The following MEGF10 variants were observed in gnomAD, a reference collection of about 807,000 sequenced individuals.
MEGF10 encodes the protein multiple epidermal growth factor-like domains protein 10.
MEGF10 carries 86 observed loss-of-function variants against 147.5 expected under a neutral mutation model. The observed-to-expected ratio is 0.58, with a 90% CI of 0.49 to 0.70. The LOEUF (loss-of-function observed/expected upper bound fraction) is 0.70. Ranked by LOEUF, MEGF10 falls within the 30% of genes least tolerant of loss-of-function variation. The pLI is 0.00. For synonymous variants in MEGF10, 478 were observed against 525.5 expected, an observed-to-expected ratio of 0.91 and a Z score of 1.24; for missense variants, 1,329 against 1,487.3, an observed-to-expected ratio of 0.89 and a Z score of 1.75.
At chr5:127,248,791 T>A in the MEGF10 span, among the ~76,000 whole-genome samples, 1 of 150,670 alleles carries the variant, frequency 6.6e-6, no homozygotes, top group Non-Finnish European at 1.5e-5. Context: ...TCAGAACTAT[T>A]CCAAGAAATA....
chr5:127,270,946 A>G, the MEGF10 span, among the ~76,000 whole-genome samples: 92 of 152,326 alleles, frequency 6.0e-4, no homozygotes, highest in African/African-American at 2.2e-3. Flanking sequence ...TATGTGTGCC[A>G]CATATTTTCT....
intron 1 of MEGF10, among the ~76,000 whole-genome samples, chr5:127,319,218 G>C (rs1760697010): frequency 6.6e-6 from 1 of 152,018 alleles, no homozygotes; most frequent in Non-Finnish European, 1.5e-5. Flanking sequence ...TGGGATTACA[G>C]GCATCTGCCA....
At chr5:127,304,433 CCATGAGCTGGGATGAAATAGCCAACT>C (rs1380013311) in intron 1 of MEGF10, among the ~76,000 whole-genome samples, 4 of 152,168 alleles carry the variant, frequency 2.6e-5, no homozygotes, top group Non-Finnish European at 5.9e-5. Context: ...GTGCCCCTTT[CCATGAGCTGGGATGAAATAGCCAACT>C]AGAACAACTA....
At chr5:127,388,386 C>T (rs1466648938) in intron 5 of MEGF10, among the ~76,000 whole-genome samples, 1 of 151,982 alleles carries the variant, frequency 6.6e-6, no homozygotes, top group East Asian at 1.9e-4. Flanking sequence ...TGAGCTCAAG[C>T]AATCCACCCA....
At chr5:127,378,728 C>T (rs1170451770) in intron 5 of MEGF10, among the ~76,000 whole-genome samples, 2 of 152,196 alleles carry the variant, frequency 1.3e-5, no homozygotes, top group Non-Finnish European at 2.9e-5. Context: ...TTGGGAATTA[C>T]AGGCATGGGC....
chr5:127,420,804 C>T lies in MEGF10; in HGVS notation c.1590+597C>T, dbSNP rs77198988. On this transcript the variant is annotated intron_variant, in intron 12 of 24. Coordinates refer to ENST00000503335, the MANE Select transcript of MEGF10 (RefSeq NM_001256545.2). ...ACCTCAAGCTGTCAGGGAGTGCAAA[C>T]GGGAAGTGCATTCTGGAGTAAGCTG... 3.4e-4 allele frequency among the ~76,000 whole-genome samples: 51 copies of T among 152,232 alleles called. 1 individual carries two copies. The East Asian group carries it at 8.1e-3, about 24-fold the overall frequency.
At chr5:127,357,529 A>T (rs1762320148) in intron 4 of MEGF10, among the ~76,000 whole-genome samples, 5 of 151,782 alleles carry the variant, frequency 3.3e-5, no homozygotes, top group Non-Finnish European at 7.4e-5. Context: ...TAGAGGTTAC[A>T]GTGAGCTGAG....
chr5:127,366,955 TG>T (rs909954453), intron 4 of MEGF10, among the ~76,000 whole-genome samples: 2 of 152,220 alleles, frequency 1.3e-5, no homozygotes, highest in Non-Finnish European at 2.9e-5. Flanking sequence ...CTTACTTCTC[TG>T]GAACATATGC....
intron 1 of MEGF10, among the ~76,000 whole-genome samples, chr5:127,326,383 A>G (rs1243567863): frequency 2.6e-5 from 4 of 152,224 alleles, no homozygotes; most frequent in African/African-American, 4.8e-5. Flanking sequence ...ACTGTTTGAA[A>G]TGAATAGTCA....
Position 127,420,224 on chromosome 5 carries a change from G to A in MEGF10, c.1590+17G>A, listed in dbSNP as rs780974795. 5.0e-6 allele frequency: 8 copies of A among 1,610,256 alleles called. No homozygotes were observed. The highest frequency in any genetic ancestry group is 1.7e-5 in the Admixed American group (1 of 59,524). On this transcript the variant is annotated intron_variant, in intron 12 of 24. Coordinates refer to ENST00000503335, the MANE Select transcript of MEGF10 (RefSeq NM_001256545.2). The stretch of plus-strand genomic sequence containing the variant: ...CCCTGCCAGGTATGCACAAATCAGC[G>A]CCCTGACGGAAAACGCCTATGAGGA...
At chr5:127,363,202 T>C (rs1762538550) in intron 4 of MEGF10, among the ~76,000 whole-genome samples, 1 of 152,222 alleles carries the variant, frequency 6.6e-6, no homozygotes, top group Non-Finnish European at 1.5e-5. Context: ...GATTTTTATT[T>C]AATTTAGTAA....
chr5:127,300,550 T>C (rs1361880302), intron 1 of MEGF10, among the ~76,000 whole-genome samples: 3 of 152,232 alleles, frequency 2.0e-5, no homozygotes. Flanking sequence ...GTTATGGGTA[T>C]GTTCAGTTTG....
intron 1 of MEGF10, among the ~76,000 whole-genome samples, chr5:127,326,683 T>C (rs559457219): frequency 1.3e-5 from 2 of 152,176 alleles, no homozygotes; most frequent in Non-Finnish European, 2.9e-5. Context: ...CCTTTATAGA[T>C]AACACGATGG....
intron 16 of MEGF10, 47 bp from the exon 17 acceptor site, chr5:127,438,392 T>C (rs753315149): frequency 6.2e-7 from 1 of 1,602,800 alleles, no homozygotes; most frequent in Non-Finnish European, 8.5e-7. Context: ...CCCTACTTAG[T>C]ATTGGCCTCA....
rs571660339 is a variant in MEGF10 at position 127,460,213 on chromosome 5, T to G, written c.*2895T>G. ...CAAACTATTATTCCTTCCTTAGAAG[T>G]TGATGTATCAGAAAATTTATAAGTT... On this transcript the variant is annotated 3_prime_UTR_variant, in exon 25 of 25. Coordinates refer to ENST00000503335, the MANE Select transcript of MEGF10 (RefSeq NM_001256545.2). 3 of 152,314 alleles carry G rather than the reference T, an allele frequency of 2.0e-5. No homozygotes were observed. In the East Asian group the frequency reaches 5.8e-4, roughly 29 times the overall value. 9.4% of individuals were successfully genotyped at this position (152,314 alleles called of 1,614,324 possible).
In MEGF10 at chr5:127,425,970, C is replaced by G. The variant is rs145304245; in HGVS notation, c.1693+3198C>G. Among the ~76,000 whole-genome samples, 372 of 152,298 alleles carry G rather than the reference C, an allele frequency of 2.4e-3. 2 individuals are homozygous for G. The highest frequency in any genetic ancestry group is 6.8e-3 in the Middle Eastern group (2 of 294). ...ATGAATAAATCAGTGAAATCTGACA[C>G]AGAAGCCAGGGCTCTTCCCCTGATC... On this transcript the variant is annotated intron_variant, in intron 13 of 24. Coordinates refer to ENST00000503335, the MANE Select transcript of MEGF10 (RefSeq NM_001256545.2).
rs752638811 is a variant in MEGF10 at position 127,457,161 on chromosome 5, G to T, written c.3266G>T (p.Ser1089Ile). 3 of 1,613,922 alleles carry T rather than the reference G, an allele frequency of 1.9e-6. No individual in the cohort carries two copies. The Admixed American group carries it at 5.0e-5, about 27-fold the overall frequency. ...PTVSVVQGVF[S>I]NNGRLSQDPY... ...GTGAGTGTTGTCCAAGGAGTATTCAGCAATAATGGGCGTCTCTCCCAGGAT... is the reference window on the plus strand; with the variant it reads ...GTGAGTGTTGTCCAAGGAGTATTCATCAATAATGGGCGTCTCTCCCAGGAT... The change falls in exon 25 of 25, where the codon AGC becomes ATC. Residue 1089 changes from serine (S) to isoleucine (I), a missense_variant. Ser to Ile is a moderately radical substitution (Grantham distance 142). Transcript: ENST00000503335.
intron 1 of MEGF10, among the ~76,000 whole-genome samples, chr5:127,296,100 A>G (rs553599196): frequency 6.6e-6 from 1 of 152,298 alleles, no homozygotes; most frequent in East Asian, 1.9e-4. Flanking sequence ...CTTTTTAAAT[A>G]TAGTTATTGC....
the MEGF10 span, among the ~76,000 whole-genome samples, chr5:127,248,828 A>C: frequency 6.6e-6 from 1 of 152,044 alleles, no homozygotes; most frequent in Admixed American, 6.6e-5. Context: ...TTGGTGAAAA[A>C]AAAAATCAAT....
Sources: allele counts gnomAD v4.1 joint callset (sites outside exome capture counted in the v4.1 genomes callset), GRCh38; gene constraint gnomAD v4.1.1; transcripts MANE v1.5; gene names NCBI Gene and HGNC (gene_info 2026-07-23, HGNC 2026-07-21).